The following NQO1 variants were observed in gnomAD, a reference collection of about 807,000 sequenced individuals.
NQO1 encodes the protein NAD(P)H quinone dehydrogenase 1.
NQO1 carries 30 observed loss-of-function variants against 32.1 expected under a neutral mutation model. The ratio of observed to expected loss-of-function variants is 0.94; its 90% confidence interval spans 0.70 to 1.27. The LOEUF is 1.27. Among genes scored for constraint, NQO1 ranks in the 50% most tolerant of loss-of-function variants. NQO1 has a pLI of 0.00. For missense variants in NQO1, 276 were observed against 331.3 expected, an observed-to-expected ratio of 0.83 and a Z score of 1.30; for synonymous variants, 109 against 119.7, an observed-to-expected ratio of 0.91 and a Z score of 0.59.
intron 3 of NQO1, 147 bp downstream of exon 3, chr16:69,717,976 A>G: frequency 8.8e-7 from 1 of 1,134,538 alleles, no homozygotes. Flanking sequence ...AAATCCATGT[A>G]ATACTGCACC....
chr16:69,720,637 TCTCCTGC>T (rs1220265478), intron 1 of NQO1, among the ~76,000 whole-genome samples: 7 of 150,198 alleles, frequency 4.7e-5, no homozygotes, highest in African/African-American at 1.7e-4. Flanking sequence ...TTCAAGCGAT[TCTCCTGC>T]CTCAGCATCC....
rs2151741831 is a variant in NQO1 at position 69,711,224 on chromosome 16, T to G, written c.577A>C (p.Ile193Leu). ...CGGGCGTCTGCTGGAGTGTGCCCAA[T>G]GCTATATGTCAGTTGAGGTTCTAAG... ...QVLEPQLTYS[I>L]GHTPADARIQ... The change falls in exon 6 of 6, where the codon ATT becomes CTT. Residue 193 changes from isoleucine to leucine, a missense_variant. Ile to Leu is a conservative substitution (Grantham distance 5, BLOSUM62 2). Transcript: ENST00000320623. The G allele has an allele frequency of 6.2e-7, 1 of 1,614,038 alleles. No individual in the cohort carries two copies.
At position 69,710,719 on chromosome 16, in the gene NQO1, A is replaced by G; in HGVS notation, c.*257T>C. 1 of 450,838 alleles carries G rather than the reference A, an allele frequency of 2.2e-6. No homozygotes were observed. The highest frequency in any genetic ancestry group is 3.4e-5 in the South Asian group (1 of 29,838). The allele number at this position is 450,838 out of a possible 1,614,324, so 27.9% of individuals were successfully genotyped here. A position where few individuals can be genotyped will look rare whatever the true frequency, so the allele number is the denominator to read the frequency against. On this transcript the variant is annotated 3_prime_UTR_variant, in exon 6 of 6. Coordinates refer to ENST00000320623, the MANE Select transcript of NQO1 (RefSeq NM_000903.3). ...TAAATTGTGTAGATGCCTTTAAAGA[A>G]CATTTTTCTAGCATCTTTCTACATC...
At chr16:69,717,491 C>T (rs1436895300) in intron 3 of NQO1, among the ~76,000 whole-genome samples, 3 of 40,624 alleles carry the variant, frequency 7.4e-5, no homozygotes, top group Non-Finnish European at 2.8e-4. Context: ...CCGCAGGATT[C>T]GCTAACTGAA....
chr16:69,725,540 C>T (rs532110861), intron 1 of NQO1, among the ~76,000 whole-genome samples: 2 of 152,176 alleles, frequency 1.3e-5, no homozygotes, highest in South Asian at 4.1e-4. Context: ...GGATCCAGTA[C>T]GATCTGATCA....
At chr16:69,726,403 G>C in intron 1 of NQO1, 30 bp downstream of exon 1, 1 of 1,610,746 alleles carries the variant, frequency 6.2e-7, no homozygotes, top group Non-Finnish European at 8.5e-7. Context: ...AGAGACGACC[G>C]CCAAGCACCC....
chr16:69,711,300 C>G lies in NQO1; in HGVS notation c.520-19G>C, dbSNP rs1317121230. Reference sequence around the variant, plus strand: ...TGCCACTCTGAGGATACAGAAAGCACAGAGAGGTAAGTCAACCAATTCCAT... The same window carrying G: ...TGCCACTCTGAGGATACAGAAAGCAGAGAGAGGTAAGTCAACCAATTCCAT... On this transcript the variant is annotated intron_variant, in intron 5 of 5. Transcript: ENST00000320623. 6.3e-7 allele frequency: 1 copy of G among 1,594,898 alleles called. No individual in the cohort carries two copies. Among genetic ancestry groups the G allele is most frequent in the African/African-American group, 1.3e-5 (1 of 74,344 alleles).
chr16:69,718,304 A>T, intron 2 of NQO1, 51 bp from the exon 3 acceptor site: 1 of 1,612,970 alleles, frequency 6.2e-7, no homozygotes, highest in Non-Finnish European at 8.5e-7. Flanking sequence ...AAGCTGGGCC[A>T]GAGGACCCAC....
intron 5 of NQO1, 144 bp from the exon 6 acceptor site, chr16:69,711,425 G>T: frequency 4.4e-6 from 3 of 684,096 alleles, no homozygotes; most frequent in Non-Finnish European, 7.4e-6. Context: ...CAGAGCTAGC[G>T]TCTCTCTCTT....
intron 3 of NQO1, 39 bp downstream of exon 3, chr16:69,718,084 G>C: frequency 6.2e-7 from 1 of 1,611,540 alleles, no homozygotes; most frequent in Non-Finnish European, 8.5e-7. Context: ...CAATAAGCAC[G>C]CAAATGTCCC....
intron 3 of NQO1, among the ~76,000 whole-genome samples, chr16:69,715,293 A>G (rs2038099047): frequency 6.6e-6 from 1 of 152,232 alleles, no homozygotes; most frequent in African/African-American, 2.4e-5. Flanking sequence ...GAAAATGCAA[A>G]TATTGAGTGG....
rs576945078 is a variant in NQO1 at position 69,717,588 on chromosome 16, C to A, written c.303+535G>T. ...GCTCAAGGACTGTACATCATCTCTG[C>A]AGCTGCATTTCTTTCTTTCTTTTTT... On this transcript the variant is annotated intron_variant, in intron 3 of 5. Transcript: ENST00000320623. Among the ~76,000 whole-genome samples the A allele has an allele frequency of 4.9e-4, 74 of 151,838 alleles. 1 individual carries two copies. In the South Asian group the frequency reaches 0.014, roughly 29 times the overall value.
chr16:69,718,630 C>A, intron 1 of NQO1, 96 bp from the exon 2 acceptor site: 1 of 1,260,220 alleles, frequency 7.9e-7, no homozygotes, highest in Non-Finnish European at 1.1e-6. Flanking sequence ...GAGGGGGCGG[C>A]TTTGTTTGAC....
In NQO1 at chr16:69,710,786, T is replaced by C. The variant is rs1270052386; in HGVS notation, c.*190A>G. 1 of 656,824 alleles carries C rather than the reference T, an allele frequency of 1.5e-6. No homozygotes were observed. The highest frequency in any genetic ancestry group is 2.5e-6 in the Non-Finnish European group (1 of 402,076). 40.7% of individuals were successfully genotyped at this position (656,824 alleles called of 1,614,324 possible). On this transcript the variant is annotated 3_prime_UTR_variant, in exon 6 of 6. Coordinates refer to ENST00000320623, the MANE Select transcript of NQO1 (RefSeq NM_000903.3). Reference sequence around the variant, plus strand: ...CTTGAGCCCAGTCGGATTTTGGTTATATGCCATGATAGTAATCATAAGAAT... The same window carrying C: ...CTTGAGCCCAGTCGGATTTTGGTTACATGCCATGATAGTAATCATAAGAAT...
intron 1 of NQO1, among the ~76,000 whole-genome samples, chr16:69,722,329 A>T (rs1433115559): frequency 6.6e-6 from 1 of 151,792 alleles, no homozygotes; most frequent in Non-Finnish European, 1.5e-5. Context: ...CGCCCGGCTA[A>T]TTTTTTGTAT....
Position 69,724,611 on chromosome 16 carries a change from C to A in NQO1, c.7+1822G>T, listed in dbSNP as rs141222753. ...CAGCTACTCGGGGGCAAAGATGGGA[C>A]AATCACTTGAGCCCAGGAGGTCAAG... On this transcript the variant is annotated intron_variant, in intron 1 of 5. Transcript: ENST00000320623. Among the ~76,000 whole-genome samples the A allele has an allele frequency of 1.9e-3, 283 of 151,316 alleles. 2 individuals carry two copies. Among genetic ancestry groups the A allele is most frequent in the African/African-American group, 6.5e-3 (266 of 41,174 alleles).
intron 5 of NQO1, 58 bp from the exon 6 acceptor site, chr16:69,711,339 A>C: frequency 6.8e-7 from 1 of 1,476,634 alleles, no homozygotes; most frequent in Non-Finnish European, 9.2e-7. Context: ...GTTGTACTAT[A>C]AACAACAGAA....
Position 69,711,071 on chromosome 16 carries a change from G to A in NQO1, c.730C>T (p.Gln244Ter), listed in dbSNP as rs1299198305. 6.2e-7 allele frequency: 1 copy of A among 1,614,162 alleles called. No individual in the cohort carries two copies. Among genetic ancestry groups the A allele is most frequent in the Non-Finnish European group, 8.5e-7 (1 of 1,180,030 alleles). Reference protein sequence around the residue: ...QAGFLMKKEVQDEEKNKKFGL... With the variant: ...QAGFLMKKEV ...AATTTCTTGTTTTTCTCCTCATCCTGTACCTCTTTTTTCATTAAGAATCCT... is the reference window on the plus strand; with the variant it reads ...AATTTCTTGTTTTTCTCCTCATCCTATACCTCTTTTTTCATTAAGAATCCT... Residue 244 changes from glutamine (Q) to a stop codon, truncating the protein, a stop_gained, in exon 6 of 6, where the codon CAG (glutamine) becomes TAG (stop). Transcript: ENST00000320623. LOFTEE classifies it high-confidence loss of function.
rs55733904 is a variant in NQO1, at chr16:69,726,427, A to G, written c.7+6T>C. On this transcript the variant is annotated splice_donor_region_variant and intron_variant, in intron 1 of 5. Transcript: ENST00000320623. ...CGCCAAGCACCCCGCCCTTTGCAGC[A>G]CTCACCGACCATGGCTCTGGTGCAG... 4.4e-4 allele frequency: 714 copies of G among 1,611,688 alleles called. 6 individuals carry two copies. In the South Asian group the frequency reaches 7.4e-3, roughly 17 times the overall value.
Sources: allele counts gnomAD v4.1 joint callset (sites outside exome capture counted in the v4.1 genomes callset), GRCh38; gene constraint gnomAD v4.1.1; transcripts MANE v1.5; gene names NCBI Gene and HGNC (gene_info 2026-07-23, HGNC 2026-07-21).